The following SPACA1 variants were observed in gnomAD, a reference collection of about 807,000 sequenced individuals.
The protein encoded by SPACA1 is sperm acrosome associated 1, also known as sperm acrosome membrane-associated protein 1.
Under a neutral mutation model 32.6 loss-of-function variants are expected in SPACA1, and 17 were observed. The ratio of observed to expected loss-of-function variants is 0.52; its 90% CI spans 0.36 to 0.78. The LOEUF (loss-of-function observed/expected upper bound fraction) is 0.78. Among genes scored for constraint, SPACA1 ranks in the 30% least tolerant of loss-of-function variants. The probability of loss-of-function intolerance (pLI) is 0.01; values close to 1 mark genes in which losing one functional copy is unlikely to be tolerated. For missense variants in SPACA1, 363 were observed against 373.4 expected (o/e 0.97, Z 0.23); for synonymous variants, 140 against 138.1 (o/e 1.01, Z -0.10).
At chr6:88,063,425 T>C (rs1423904556) in intron 5 of SPACA1, among the ~76,000 whole-genome samples, 2 of 152,154 alleles carry the variant, frequency 1.3e-5, no homozygotes, top group African/African-American at 4.8e-5. Context: ...TTATTCTAAG[T>C]AAACAAATCT....
chr6:88,049,502 C>T (rs1174150545), intron 1 of SPACA1, among the ~76,000 whole-genome samples: 1 of 152,150 alleles, frequency 6.6e-6, no homozygotes, highest in African/African-American at 2.4e-5. Flanking sequence ...TTTAAACAAT[C>T]TGAGGTGTTA....
At chr6:88,060,139 G>A (rs962308081) in intron 5 of SPACA1, among the ~76,000 whole-genome samples, 3 of 152,152 alleles carry the variant, frequency 2.0e-5, no homozygotes, top group Non-Finnish European at 4.4e-5. Context: ...AAATGCAAAT[G>A]TTGTCCTGAA....
In SPACA1 at chr6:88,066,421, T is replaced by C. The variant is rs1430793359; in HGVS notation, c.*86T>C. ...AAATAAAATACACATTGAAATACTT[T>C]AATAATGTTGCGATGGATTGCCACA... On this transcript the variant is annotated 3_prime_UTR_variant, in exon 7 of 7. Transcript: ENST00000237201. 2.3e-6 allele frequency: 3 copies of C among 1,296,634 alleles called. No homozygotes were observed. The highest frequency in any genetic ancestry group is 3.1e-6 in the Non-Finnish European group (3 of 970,176). 80.3% of individuals were successfully genotyped at this position (1,296,634 alleles called of 1,614,324 possible). A position where few individuals can be genotyped will look rare whatever the true frequency, so the allele number is the denominator to read the frequency against.
In SPACA1 at chr6:88,066,475, G is replaced by T; in HGVS notation, c.*140G>T. The T allele has an allele frequency of 1.4e-6, 1 of 691,856 alleles. No homozygotes were observed. Among genetic ancestry groups the T allele is most frequent in the East Asian group, 3.2e-5 (1 of 30,996 alleles). The allele number at this position is 691,856 out of a possible 1,614,324, so 42.9% of individuals were successfully genotyped here. A position where few individuals can be genotyped will look rare whatever the true frequency, so the allele number is the denominator to read the frequency against. On this transcript the variant is annotated 3_prime_UTR_variant, in exon 7 of 7. Transcript: ENST00000237201. ...TGAAGGAAATGCAGTGTGGGGATAG[G>T]ACTATTTTATCAGTGCATTTTTCCA...
At chr6:88,047,225 T>C (rs150686379), upstream of SPACA1, among the ~76,000 whole-genome samples, 1 of 152,348 alleles carries the variant, frequency 6.6e-6, no homozygotes, top group African/African-American at 2.4e-5. Context: ...TCCAGCTTTG[T>C]AAATAATTTC....
chr6:88,057,717 A>G lies in SPACA1; in HGVS notation c.367+4A>G, dbSNP rs1344252481. 6.2e-7 allele frequency: 1 copy of G among 1,612,358 alleles called. No homozygotes were observed. Among genetic ancestry groups the G allele is most frequent in the Middle Eastern group, 1.7e-4 (1 of 6,058 alleles). On this transcript the variant is annotated splice_donor_region_variant and intron_variant, in intron 3 of 6. Transcript: ENST00000237201. ...CGTGGACCAACAGATTGTGGCTGTGAGTTGAATTATGTATTGGAGGGAGAC... is the reference window on the plus strand; with the variant it reads ...CGTGGACCAACAGATTGTGGCTGTGGGTTGAATTATGTATTGGAGGGAGAC...
Position 88,047,846 on chromosome 6 carries a change from A to T in SPACA1, c.-60A>T, listed in dbSNP as rs1478436437. On this transcript the variant is annotated 5_prime_UTR_variant, in exon 1 of 7. Coordinates refer to ENST00000237201, the MANE Select transcript of SPACA1 (RefSeq NM_030960.3). ...GGGGTGTCGCAGCTCTCTTCGACGT[A>T]CCTGTCCTCAGGAGCCGCGGCGGCG... 3.5e-6 allele frequency: 5 copies of T among 1,448,822 alleles called. No homozygotes were observed. The highest frequency in any genetic ancestry group is 2.4e-5 in the Admixed American group (1 of 41,118). 89.7% of individuals were successfully genotyped at this position (1,448,822 alleles called of 1,614,324 possible).
chr6:88,055,562 A>G (rs1475997748), intron 2 of SPACA1, among the ~76,000 whole-genome samples: 4 of 152,260 alleles, frequency 2.6e-5, no homozygotes, highest in African/African-American at 9.6e-5. Context: ...TTAGCAGTCA[A>G]AAAGTTTTCT....
At chr6:88,066,115 T>C (rs1775980689) in intron 6 of SPACA1, 67 bp from the exon 7 acceptor site, 1 of 1,301,650 alleles carries the variant, frequency 7.7e-7, no homozygotes, top group Non-Finnish European at 1.1e-6. Flanking sequence ...ACATAGAAAA[T>C]ATAGAAATCT....
At chr6:88,058,925 C>T in intron 4 of SPACA1, 103 bp downstream of exon 4, 7 of 701,006 alleles carry the variant, frequency 1.0e-5, no homozygotes, top group Middle Eastern at 2.7e-4. Flanking sequence ...AAGCAGTTTG[C>T]CAAAACGAAG....
At chr6:88,054,214 G>A (rs1775772789) in intron 2 of SPACA1, among the ~76,000 whole-genome samples, 1 of 130,760 alleles carries the variant, frequency 7.6e-6, no homozygotes, top group African/African-American at 2.8e-5. Context: ...CTTATTTTAA[G>A]CCAGCTCCCT....
At chr6:88,060,602 A>G (rs899738825) in intron 5 of SPACA1, among the ~76,000 whole-genome samples, 1 of 152,238 alleles carries the variant, frequency 6.6e-6, no homozygotes, top group Non-Finnish European at 1.5e-5. Context: ...GTTTAGAAAC[A>G]TCTTCATGGT....
rs1265208110 is a variant in SPACA1, at chr6:88,065,437, T to G, written c.732-745T>G. ...ATACTATATTTACATATATAATATA[T>G]ATACCATATATACTATATGTACACA... is the stretch of plus-strand genomic sequence containing the variant. On this transcript the variant is annotated intron_variant, in intron 6 of 6. Coordinates refer to ENST00000237201, the MANE Select transcript of SPACA1 (RefSeq NM_030960.3). Among the ~76,000 whole-genome samples, 4 of 148,098 alleles carry G rather than the reference T, an allele frequency of 2.7e-5. No individual in the cohort carries two copies. The Admixed American group carries it at 2.7e-4, about 10-fold the overall frequency.
chr6:88,066,117 T>C, intron 6 of SPACA1, 65 bp from the exon 7 acceptor site: 4 of 1,324,590 alleles, frequency 3.0e-6, no homozygotes, highest in Non-Finnish European at 4.1e-6. Flanking sequence ...ATAGAAAATA[T>C]AGAAATCTAT....
intron 1 of SPACA1, 55 bp from the exon 2 acceptor site, chr6:88,053,887 GTTTC>G (rs1775766642): frequency 2.1e-6 from 3 of 1,431,772 alleles, no homozygotes; most frequent in Admixed American, 3.5e-5. Context: ...AGTAAGAGGT[GTTTC>G]ACTTAGAAAA....
At chr6:88,054,704 A>G (rs1209860110) in intron 2 of SPACA1, among the ~76,000 whole-genome samples, 1 of 152,182 alleles carries the variant, frequency 6.6e-6, no homozygotes, top group East Asian at 1.9e-4. Context: ...TTATCAGAGG[A>G]TAAGAAGACA....
intron 5 of SPACA1, among the ~76,000 whole-genome samples, chr6:88,060,346 A>G (rs1775874062): frequency 6.6e-6 from 1 of 152,192 alleles, no homozygotes; most frequent in Non-Finnish European, 1.5e-5. Context: ...TCAGAATCCT[A>G]TCAAGGCTCA....
intron 2 of SPACA1, 46 bp downstream of exon 2, chr6:88,054,048 G>A: frequency 6.4e-7 from 1 of 1,570,322 alleles, no homozygotes; most frequent in Non-Finnish European, 8.8e-7. Context: ...TAATTTGCGG[G>A]GGAGGAAAGG....
At chr6:88,047,440 G>A (rs1424638603), upstream of SPACA1, among the ~76,000 whole-genome samples, 3 of 152,230 alleles carry the variant, frequency 2.0e-5, no homozygotes, top group South Asian at 4.1e-4. Context: ...CACACGAAGA[G>A]TATGTGAGGG....
Sources: gnomAD v4.1 joint callset for allele counts (sites outside exome capture counted in the v4.1 genomes callset) on GRCh38, gnomAD v4.1.1 for gene constraint, MANE v1.5 for transcripts, NCBI Gene and HGNC (gene_info 2026-07-23, HGNC 2026-07-21) for gene names.